Variants in CDYL2 observed in about 807,000 individuals in gnomAD.
The protein encoded by CDYL2 is chromodomain Y like 2.
Under a neutral mutation model 49.4 loss-of-function variants are expected in CDYL2, and 23 were observed. The observed-to-expected ratio is 0.47, with a 90% CI of 0.34 to 0.66. The LOEUF is 0.66. CDYL2 is among the 30% of genes least tolerant of loss of function. CDYL2 has a pLI of 0.01. For missense variants in CDYL2, 678 were observed against 656.4 expected, an observed-to-expected ratio of 1.03 and a Z score of -0.36; for synonymous variants, 360 against 268.8, an observed-to-expected ratio of 1.34 and a Z score of -3.32.
intron 1 of CDYL2, among the ~76,000 whole-genome samples, chr16:80,745,665 T>A (rs1397795173): frequency 6.6e-6 from 1 of 152,168 alleles, no homozygotes; most frequent in South Asian, 2.1e-4. Context: ...GAGATGACAG[T>A]GCGCAAGTTA....
intron 3 of CDYL2, 91 bp from the exon 4 acceptor site, chr16:80,621,026 C>G (rs1047449795): frequency 9.4e-6 from 13 of 1,387,280 alleles, no homozygotes; most frequent in Non-Finnish European, 1.2e-5. Flanking sequence ...GGCCTGACCC[C>G]CTGAGGGTAG....
At chr16:80,795,304 T>C (rs1194238736) in intron 1 of CDYL2, among the ~76,000 whole-genome samples, 3 of 152,152 alleles carry the variant, frequency 2.0e-5, no homozygotes, top group East Asian at 3.9e-4. Context: ...AATGTGGTGA[T>C]TGATCAACAT....
At position 80,646,121 on chromosome 16, in the gene CDYL2, C is replaced by T. The variant is rs188796583; in HGVS notation, c.617-12885G>A. Among the ~76,000 whole-genome samples the T allele has an allele frequency of 5.0e-3, 763 of 151,428 alleles. 1 individual carries two copies. The highest frequency in any genetic ancestry group is 8.7e-3 in the Non-Finnish European group (592 of 67,898). ...CAAACCTGCACGTTGTGTACATGTA[C>T]CCTAGAACTTAAAGTATAATTAAAA... On this transcript the variant is annotated intron_variant, in intron 2 of 6. Transcript: ENST00000570137.
In CDYL2 at chr16:80,633,720, C is replaced by T. The variant is rs181057015; in HGVS notation, c.617-484G>A. On this transcript the variant is annotated intron_variant, in intron 2 of 6. Transcript: ENST00000570137. The stretch of plus-strand genomic sequence containing the variant: ...AACCAGAGATGGGGCTCTGGGACCC[C>T]CCTAGGGCTTCCTCAGGCGCTGCCT... Among the ~76,000 whole-genome samples the T allele has an allele frequency of 4.6e-3, 704 of 152,222 alleles. 11 individuals are homozygous for T. Among genetic ancestry groups the T allele is most frequent in the African/African-American group, 0.016 (657 of 41,538 alleles).
At chr16:80,698,491 G>T (rs1326418039) in intron 1 of CDYL2, among the ~76,000 whole-genome samples, 1 of 152,126 alleles carries the variant, frequency 6.6e-6, no homozygotes, top group Non-Finnish European at 1.5e-5. Context: ...TGGCCAATAA[G>T]CATATGTGAT....
At chr16:80,667,868 A>T (rs1468323192) in intron 2 of CDYL2, among the ~76,000 whole-genome samples, 1 of 152,232 alleles carries the variant, frequency 6.6e-6, no homozygotes, top group Non-Finnish European at 1.5e-5. Context: ...TAAATTAAGA[A>T]TCTGGCCCAC....
intron 5 of CDYL2, among the ~76,000 whole-genome samples, chr16:80,608,499 T>G (rs1406888224): frequency 6.6e-6 from 1 of 152,162 alleles, no homozygotes; most frequent in Non-Finnish European, 1.5e-5. Context: ...CCCCTCCCCA[T>G]TTCTGGTGGC....
chr16:80,689,979 G>T (rs1395096317), intron 1 of CDYL2, among the ~76,000 whole-genome samples: 1 of 151,920 alleles, frequency 6.6e-6, no homozygotes, highest in Non-Finnish European at 1.5e-5. Context: ...AAATTAGCTG[G>T]GCGTGGTGGC....
intron 2 of CDYL2, among the ~76,000 whole-genome samples, chr16:80,665,505 T>TTAAA (rs1555528399): frequency 8.2e-6 from 1 of 121,640 alleles, no homozygotes; most frequent in Admixed American, 8.7e-5. Context: ...TTTTTGCCAT[T>TTAAA]AAAAAAAAAA....
chr16:80,756,130 C>T (rs966563044), intron 1 of CDYL2, among the ~76,000 whole-genome samples: 2 of 151,856 alleles, frequency 1.3e-5, no homozygotes, highest in African/African-American at 4.8e-5. Flanking sequence ...AAGGATAAAA[C>T]TAAACGCACC....
intron 1 of CDYL2, among the ~76,000 whole-genome samples, chr16:80,715,985 C>T (rs946255610): frequency 1.3e-5 from 2 of 152,248 alleles, no homozygotes; most frequent in Non-Finnish European, 2.9e-5. Context: ...CCTGTGGTTA[C>T]GCCCTTGGGC....
intron 2 of CDYL2, among the ~76,000 whole-genome samples, chr16:80,681,057 C>T (rs1036698141): frequency 6.6e-6 from 1 of 152,148 alleles, no homozygotes; most frequent in Non-Finnish European, 1.5e-5. Context: ...CACCACCCGC[C>T]GGAGCCCCAA....
intron 1 of CDYL2, among the ~76,000 whole-genome samples, chr16:80,690,202 A>C (rs1366824562): frequency 3.9e-5 from 6 of 152,228 alleles, no homozygotes; most frequent in Non-Finnish European, 7.3e-5. Flanking sequence ...TGCTGTGAGA[A>C]ACAACGGCAG....
At chr16:80,702,287 C>T (rs1342532065) in intron 1 of CDYL2, among the ~76,000 whole-genome samples, 4 of 151,832 alleles carry the variant, frequency 2.6e-5, no homozygotes, top group African/African-American at 7.3e-5. Context: ...TGAAAGACAT[C>T]CCATGTTCAA....
At chr16:80,608,070 C>A in intron 6 of CDYL2, 22 bp downstream of exon 6, 2 of 1,547,922 alleles carry the variant, frequency 1.3e-6, no homozygotes. Context: ...AGGACAAGCA[C>A]GCAGGAGGCG....
At chr16:80,768,248 A>AT (rs1236946589) in intron 1 of CDYL2, among the ~76,000 whole-genome samples, 2 of 152,042 alleles carry the variant, frequency 1.3e-5, no homozygotes, top group African/African-American at 4.8e-5. Context: ...ATTCCCCTCC[A>AT]TTCCCTCTCT....
chr16:80,651,584 A>G (rs114428159), intron 2 of CDYL2, among the ~76,000 whole-genome samples: 1,886 of 152,334 alleles, frequency 0.012, 43 homozygotes, highest in African/African-American at 0.043. Flanking sequence ...CGAATTTAAA[A>G]GCATGCCAAT....
rs562849562 is a variant in CDYL2, at chr16:80,614,258, T to C, written c.1008-1422A>G. Among the ~76,000 whole-genome samples, 413 of 152,286 alleles carry C rather than the reference T, an allele frequency of 2.7e-3. 1 individual carries two copies. The highest frequency in any genetic ancestry group is 9.3e-3 in the African/African-American group (385 of 41,558). On this transcript the variant is annotated intron_variant, in intron 4 of 6. Coordinates refer to ENST00000570137, the MANE Select transcript of CDYL2 (RefSeq NM_152342.4). ...GTCTGCTGGCCGGCCACATTTCCCG[T>C]CTCCGACTGCATGTGGCTGTGGCCA...
intron 1 of CDYL2, among the ~76,000 whole-genome samples, chr16:80,756,561 G>C (rs775298369): frequency 6.6e-6 from 1 of 151,984 alleles, no homozygotes; most frequent in Non-Finnish European, 1.5e-5. Flanking sequence ...AAAGCTATAG[G>C]TGAATTTGAA....
Sources: gnomAD v4.1 joint callset for allele counts (sites outside exome capture counted in the v4.1 genomes callset) on GRCh38, gnomAD v4.1.1 for gene constraint, MANE v1.5 for transcripts, NCBI Gene and HGNC (gene_info 2026-07-23, HGNC 2026-07-21) for gene names.